The following ADCY9 variants were observed in gnomAD, a reference collection of about 807,000 sequenced individuals.
The protein encoded by ADCY9 is adenylate cyclase type 9.
In ADCY9, 50 loss-of-function variants were observed where a neutral mutation model predicts 101.5. The observed-to-expected ratio is 0.49, with a 90% CI of 0.39 to 0.62. ADCY9 has a LOEUF of 0.62. Among genes scored for constraint, ADCY9 ranks in the 20% least tolerant of loss-of-function variants. The pLI is 0.00. For missense variants in ADCY9, 1,662 were observed against 1,800.4 expected, an observed-to-expected ratio of 0.92 and a Z score of 1.39; for synonymous variants, 905 against 769.3, an observed-to-expected ratio of 1.18 and a Z score of -2.92.
At chr16:3,957,064 G>T (rs1442009591) in intron 5 of ADCY9, among the ~76,000 whole-genome samples, 1 of 152,178 alleles carries the variant, frequency 6.6e-6, no homozygotes, top group South Asian at 2.1e-4. Flanking sequence ...CTGAACTACT[G>T]TCTAAGCCTG....
rs79724217 is a variant in ADCY9 at position 3,976,616 on chromosome 16, C to T, written c.2828+866G>A. 5.3e-3 allele frequency among the ~76,000 whole-genome samples: 800 copies of T among 152,260 alleles called. 6 individuals are homozygous for T. Among genetic ancestry groups the T allele is most frequent in the African/African-American group, 0.018 (768 of 41,540 alleles). ...TATGTTCAGTGACTGGTCATTAATC[C>T]TACGTCTCATGACATCATATGGGGA... On this transcript the variant is annotated intron_variant, in intron 9 of 10. Coordinates refer to ENST00000294016, the MANE Select transcript of ADCY9 (RefSeq NM_001116.4).
intron 2 of ADCY9, among the ~76,000 whole-genome samples, chr16:4,066,560 T>G (rs144972363): frequency 9.9e-4 from 151 of 152,212 alleles, no homozygotes; most frequent in African/African-American, 3.2e-3. Flanking sequence ...CTAATGTTTT[T>G]ATTATTTGTA....
chr16:3,977,783 C>A (rs562349573), intron 8 of ADCY9, among the ~76,000 whole-genome samples, 153 bp from the exon 9 acceptor site: 1 of 152,284 alleles, frequency 6.6e-6, no homozygotes, highest in East Asian at 1.9e-4. Context: ...GTGGTGCAAT[C>A]TCAGCTCACT....
chr16:3,972,292 C>T (rs577741507), intron 10 of ADCY9, among the ~76,000 whole-genome samples: 2 of 150,858 alleles, frequency 1.3e-5, no homozygotes, highest in East Asian at 2.0e-4. Context: ...TGCAGTGGTG[C>T]GATCTAGGCT....
rs189259007 is a variant in ADCY9 at position 4,025,763 on chromosome 16, T to C, written c.1694-18205A>G. Reference sequence around the variant, plus strand: ...CATGACCAGCAGAGGCCAACTTCTATTGTGAAGAAGAAACCGACTCCCAGA... The same window carrying C: ...CATGACCAGCAGAGGCCAACTTCTACTGTGAAGAAGAAACCGACTCCCAGA... On this transcript the variant is annotated intron_variant, in intron 2 of 10. Transcript: ENST00000294016. 1.7e-3 allele frequency among the ~76,000 whole-genome samples: 256 copies of C among 152,172 alleles called. 2 individuals are homozygous for C. Among genetic ancestry groups the C allele is most frequent in the Middle Eastern group, 3.4e-3 (1 of 294 alleles).
Position 4,007,355 on chromosome 16 carries a change from C to CA in ADCY9, c.1884+12dup, listed in dbSNP as rs1170208160. ...AGTTTTAGAAGTAGGAAAAAAAAAA[C>CA]AAAAAAACTAACCTTAAGGTTATCA... On this transcript the variant is annotated intron_variant, in intron 3 of 10. Coordinates refer to ENST00000294016, the MANE Select transcript of ADCY9 (RefSeq NM_001116.4). 10 of 1,510,122 alleles carry CA rather than the reference C, an allele frequency of 6.6e-6. 1 individual carries two copies. In the South Asian group the frequency reaches 1.3e-4, roughly 20 times the overall value. 93.5% of individuals were successfully genotyped at this position (1,510,122 alleles called of 1,614,324 possible).
At chr16:3,986,384 C>T (rs925003352) in intron 6 of ADCY9, among the ~76,000 whole-genome samples, 2 of 152,216 alleles carry the variant, frequency 1.3e-5, no homozygotes, top group African/African-American at 4.8e-5. Flanking sequence ...AGCCTCCCAC[C>T]TGTCATGTGG....
intron 2 of ADCY9, among the ~76,000 whole-genome samples, chr16:4,008,455 G>A (rs934496096): frequency 1.3e-5 from 2 of 152,102 alleles, no homozygotes; most frequent in Non-Finnish European, 2.9e-5. Flanking sequence ...AATTTAACCA[G>A]ATGGCAAATG....
intron 2 of ADCY9, among the ~76,000 whole-genome samples, chr16:4,101,016 G>A (rs1174377989): frequency 6.6e-6 from 1 of 152,178 alleles, no homozygotes; most frequent in Non-Finnish European, 1.5e-5. Flanking sequence ...TCTACTGACA[G>A]GTATTATGTG....
chr16:4,023,714 A>G (rs1028019124), intron 2 of ADCY9, among the ~76,000 whole-genome samples: 1 of 152,134 alleles, frequency 6.6e-6, no homozygotes, highest in African/African-American at 2.4e-5. Flanking sequence ...GGAGTTCGAG[A>G]CCATCCTGGC....
intron 2 of ADCY9, among the ~76,000 whole-genome samples, chr16:4,042,318 G>C (rs962061763): frequency 2.6e-5 from 4 of 152,020 alleles, no homozygotes; most frequent in African/African-American, 9.7e-5. Context: ...TCTCCCGCTT[G>C]GCCTCTCAAA....
chr16:4,082,770 C>T (rs1383720366), intron 2 of ADCY9, among the ~76,000 whole-genome samples: 3 of 152,222 alleles, frequency 2.0e-5, no homozygotes, highest in Non-Finnish European at 4.4e-5. Flanking sequence ...ACCATGCATG[C>T]GCACACACAG....
At chr16:3,987,608 G>A (rs556483858) in intron 6 of ADCY9, among the ~76,000 whole-genome samples, 114 of 152,320 alleles carry the variant, frequency 7.5e-4, no homozygotes, top group Non-Finnish European at 1.5e-3. Context: ...AGTCCACTCC[G>A]GGAGCCATGT....
intron 7 of ADCY9, chr16:3,982,355 T>C (rs1277538841): frequency 6.6e-6 from 1 of 152,326 alleles, no homozygotes; most frequent in Non-Finnish European, 1.5e-5. Flanking sequence ...TGCCTCCCCA[T>C]GTCTGTTTGA....
At position 4,048,771 on chromosome 16, in the gene ADCY9, G is replaced by A. The variant is rs538971243; in HGVS notation, c.1694-41213C>T. On this transcript the variant is annotated intron_variant, in intron 2 of 10. Transcript: ENST00000294016. ...CGTCCACTAGATGCTGGCTTGGACAGGCGATGCTGAGGGTTCCCATAGACG... is the reference window on the plus strand; with the variant it reads ...CGTCCACTAGATGCTGGCTTGGACAAGCGATGCTGAGGGTTCCCATAGACG... Among the ~76,000 whole-genome samples the A allele has an allele frequency of 6.6e-5, 10 of 152,114 alleles. No individual in the cohort carries two copies. In the East Asian group the frequency reaches 1.7e-3, roughly 26 times the overall value.
chr16:4,097,487 T>TATATATATATATATACACACACAC (rs76750792), intron 2 of ADCY9, among the ~76,000 whole-genome samples: 9 of 72,500 alleles, frequency 1.2e-4, no homozygotes, highest in Non-Finnish European at 2.1e-4. Flanking sequence ...TATATATATA[T>TATATATATATATATACACACACAC]ACACACACAC....
intron 3 of ADCY9, among the ~76,000 whole-genome samples, chr16:4,000,774 C>T (rs922003347): frequency 2.0e-5 from 3 of 151,946 alleles, no homozygotes; most frequent in East Asian, 1.9e-4. Flanking sequence ...GATGGCGATC[C>T]GAGTCAAGAA....
Position 4,074,121 on chromosome 16 carries a change from G to C in ADCY9, c.1693+39629C>G, listed in dbSNP as rs535645832. Among the ~76,000 whole-genome samples the C allele has an allele frequency of 4.6e-5, 7 of 151,692 alleles. No individual in the cohort carries two copies. In the South Asian group the frequency reaches 1.5e-3, roughly 32 times the overall value. Reference sequence around the variant, plus strand: ...TTCATCAAACAGCATTGCTCTAAAAGGTAATTTTCTGTAAAAATAACATGT... The same window carrying C: ...TTCATCAAACAGCATTGCTCTAAAACGTAATTTTCTGTAAAAATAACATGT... On this transcript the variant is annotated intron_variant, in intron 2 of 10. Transcript: ENST00000294016.
At chr16:4,021,211 G>A (rs576745875) in intron 2 of ADCY9, among the ~76,000 whole-genome samples, 15 of 152,334 alleles carry the variant, frequency 9.8e-5, no homozygotes, top group Admixed American at 1.3e-4. Flanking sequence ...CACAATGGGC[G>A]TGCCATGGGT....
Sources: gnomAD v4.1 joint callset for allele counts (sites outside exome capture counted in the v4.1 genomes callset) on GRCh38, gnomAD v4.1.1 for gene constraint, MANE v1.5 for transcripts, NCBI Gene and HGNC (gene_info 2026-07-23, HGNC 2026-07-21) for gene names.